The following UBXN7 variants were observed in gnomAD, a reference collection of about 807,000 sequenced individuals.
The protein encoded by UBXN7 is UBX domain protein 7.
UBXN7 carries 9 observed loss-of-function variants against 58.0 expected under a neutral mutation model. The ratio of observed to expected loss-of-function variants is 0.16; its 90% confidence interval spans 0.09 to 0.27. UBXN7 has a LOEUF of 0.27. Ranked by LOEUF, UBXN7 falls within the 10% of genes least tolerant of loss-of-function variation. The pLI, the probability that UBXN7 is intolerant of heterozygous loss-of-function variation, is 1.00. For synonymous variants in UBXN7, 208 were observed against 205.0 expected, an observed-to-expected ratio of 1.01 and a Z score of -0.12; for missense variants, 328 against 599.6, an observed-to-expected ratio of 0.55 and a Z score of 4.73.
chr3:196,375,840 T>C (rs1434353540), intron 5 of UBXN7, among the ~76,000 whole-genome samples: 4 of 151,974 alleles, frequency 2.6e-5, no homozygotes, highest in Non-Finnish European at 5.9e-5. Context: ...ACCAGCCTGG[T>C]CAACATGGCG....
chr3:196,405,584 A>G (rs1358475878), intron 2 of UBXN7, among the ~76,000 whole-genome samples: 7 of 152,142 alleles, frequency 4.6e-5, no homozygotes, highest in Non-Finnish European at 8.8e-5. Context: ...GTGTGTATAT[A>G]TATATAATTG....
chr3:196,375,594 T>C, intron 5 of UBXN7, among the ~76,000 whole-genome samples: 1 of 152,290 alleles, frequency 6.6e-6, no homozygotes, highest in South Asian at 2.1e-4. Flanking sequence ...AGATTATCAT[T>C]GAAGAAGATT....
At chr3:196,430,220 T>C (rs965560825) in intron 1 of UBXN7, among the ~76,000 whole-genome samples, 2 of 151,836 alleles carry the variant, frequency 1.3e-5, no homozygotes. Flanking sequence ...CCGGGCCTGG[T>C]GACAGGCGCT....
intron 1 of UBXN7, among the ~76,000 whole-genome samples, chr3:196,424,425 C>G (rs957664606): frequency 4.6e-5 from 6 of 129,648 alleles, no homozygotes; most frequent in Admixed American, 4.6e-4. Flanking sequence ...GACAAGGTCT[C>G]TCTCTGTCAC....
At position 196,351,655 on chromosome 3, in the gene UBXN7, G is replaced by T. The variant is rs557019842; in HGVS notation, c.*5030C>A. On this transcript the variant is annotated 3_prime_UTR_variant, in exon 11 of 11. Transcript: ENST00000296328. Reference sequence around the variant, plus strand: ...GAAAAGGCTGAGAACTATTAATCTAGTCCAATTATCTCATTTTTCAGACGA... The same window carrying T: ...GAAAAGGCTGAGAACTATTAATCTATTCCAATTATCTCATTTTTCAGACGA... The T allele has an allele frequency of 1.3e-5, 2 of 152,266 alleles. No homozygotes were observed. Among genetic ancestry groups the T allele is most frequent in the Admixed American group, 1.3e-4 (2 of 15,292 alleles). The allele number at this position is 152,266 out of a possible 1,614,324, so 9.4% of individuals were successfully genotyped here. A position where few individuals can be genotyped will look rare whatever the true frequency, so the allele number is the denominator to read the frequency against.
intron 1 of UBXN7, among the ~76,000 whole-genome samples, chr3:196,429,957 G>T (rs1423931259): frequency 6.6e-6 from 1 of 152,182 alleles, no homozygotes; most frequent in Non-Finnish European, 1.5e-5. Context: ...TTCGGTTTTT[G>T]TGTGTACCTA....
At chr3:196,358,572 C>T (rs1728415894) in intron 10 of UBXN7, among the ~76,000 whole-genome samples, 1 of 151,998 alleles carries the variant, frequency 6.6e-6, no homozygotes, top group Admixed American at 6.6e-5. Context: ...CCCTTCTCTA[C>T]AAAAAAGAAT....
intron 9 of UBXN7, 41 bp from the exon 10 acceptor site, chr3:196,361,964 G>T: frequency 1.3e-6 from 2 of 1,491,828 alleles, no homozygotes; most frequent in Non-Finnish European, 1.9e-6. Context: ...ACGGGATACA[G>T]GAGTTTAAGA....
chr3:196,351,384 T>C lies in UBXN7; in HGVS notation c.*5301A>G, dbSNP rs1208760550. ...TAATGAATTGTTTACAAGATTATTA[T>C]TACTAGACCTATAACTACTATACTC... On this transcript the variant is annotated 3_prime_UTR_variant, in exon 11 of 11. Transcript: ENST00000296328. The C allele has an allele frequency of 2.0e-5, 3 of 152,194 alleles. No homozygotes were observed. Among genetic ancestry groups the C allele is most frequent in the Non-Finnish European group, 2.9e-5 (2 of 68,040 alleles). 9.4% of individuals were successfully genotyped at this position (152,194 alleles called of 1,614,324 possible).
intron 5 of UBXN7, among the ~76,000 whole-genome samples, chr3:196,390,732 A>G (rs1241738031): frequency 2.1e-5 from 3 of 140,754 alleles, no homozygotes; most frequent in African/African-American, 8.0e-5. Context: ...ATCTCAAGGA[A>G]AAAAAAAAAA....
intron 3 of UBXN7, among the ~76,000 whole-genome samples, chr3:196,394,221 G>C (rs2108847035): frequency 6.7e-6 from 1 of 150,206 alleles, no homozygotes; most frequent in East Asian, 2.0e-4. Context: ...CTAGGAGACA[G>C]AGGTTGCAGT....
chr3:196,362,696 T>TG lies in UBXN7; in HGVS notation c.835-10dup. 6.3e-7 allele frequency: 1 copy of TG among 1,591,330 alleles called. No individual in the cohort carries two copies. The highest frequency in any genetic ancestry group is 1.1e-5 in the South Asian group (1 of 89,054). ...GCATCTATAAGGCTCTCCTGTGAGATGGAGTCATAAAACACAGGAAAAAGA... is the reference window on the plus strand; with the variant it reads ...GCATCTATAAGGCTCTCCTGTGAGATGGGAGTCATAAAACACAGGAAAAAGA... On this transcript the variant is annotated splice_polypyrimidine_tract_variant and intron_variant, in intron 8 of 10. Transcript: ENST00000296328.
chr3:196,421,830 C>T (rs1300350902), intron 1 of UBXN7, among the ~76,000 whole-genome samples: 1 of 151,752 alleles, frequency 6.6e-6, no homozygotes, highest in Non-Finnish European at 1.5e-5. Flanking sequence ...AAAAATGCCC[C>T]AAATCATTAG....
chr3:196,421,721 G>A (rs1425766912), intron 1 of UBXN7, among the ~76,000 whole-genome samples: 5 of 150,846 alleles, frequency 3.3e-5, no homozygotes, highest in Non-Finnish European at 7.4e-5. Flanking sequence ...AGGTTGCAGT[G>A]AGCCAAGATC....
intron 5 of UBXN7, among the ~76,000 whole-genome samples, chr3:196,390,961 C>T (rs1366255839): frequency 4.6e-5 from 7 of 152,188 alleles, no homozygotes; most frequent in African/African-American, 1.7e-4. Context: ...GATCTTTCCT[C>T]TGCCCTAAGT....
chr3:196,407,093 T>C (rs1307527668), intron 2 of UBXN7, among the ~76,000 whole-genome samples, 153 bp downstream of exon 2: 2 of 152,254 alleles, frequency 1.3e-5, no homozygotes, highest in African/African-American at 4.8e-5. Flanking sequence ...GAATTTAAAG[T>C]ATGTAACTAC....
At chr3:196,372,542 ATGT>A (rs1470296459) in intron 5 of UBXN7, among the ~76,000 whole-genome samples, 1 of 151,936 alleles carries the variant, frequency 6.6e-6, no homozygotes, top group African/African-American at 2.4e-5. Flanking sequence ...GGGTATCAAC[ATGT>A]TGGCCAGGCT....
At chr3:196,390,593 T>C (rs1449824309) in intron 5 of UBXN7, among the ~76,000 whole-genome samples, 1 of 151,822 alleles carries the variant, frequency 6.6e-6, no homozygotes, top group African/African-American at 2.4e-5. Context: ...TACAAAAAAT[T>C]AGCCAGGCGT....
Position 196,366,892 on chromosome 3 carries a change from A to G in UBXN7, c.834+1136T>C, listed in dbSNP as rs1018369380. 3.3e-5 allele frequency among the ~76,000 whole-genome samples: 5 copies of G among 152,014 alleles called. No homozygotes were observed. The South Asian group carries it at 6.2e-4, about 19-fold the overall frequency. On this transcript the variant is annotated intron_variant, in intron 8 of 10. Transcript: ENST00000296328. ...AAATGGAACAAGATCCTGCCCAAAG[A>G]AAAAAACAGGACGGGCGCGTTAGCT...
Sources: gnomAD v4.1 joint callset for allele counts (sites outside exome capture counted in the v4.1 genomes callset) on GRCh38, gnomAD v4.1.1 for gene constraint, MANE v1.5 for transcripts, NCBI Gene and HGNC (gene_info 2026-07-23, HGNC 2026-07-21) for gene names.